Variants in SH3BGRL3 observed in about 807,000 individuals in gnomAD.
The protein encoded by SH3BGRL3 is SH3 domain-binding glutamic acid-rich-like protein 3.
SH3BGRL3 carries 8 observed loss-of-function variants against 11.9 expected under a neutral mutation model. The ratio of observed to expected loss-of-function variants is 0.67; its 90% CI spans 0.40 to 1.22. The LOEUF is 1.22. Ranked by LOEUF, SH3BGRL3 falls within the 50% of genes most tolerant of loss-of-function variation. SH3BGRL3 has a pLI of 0.01. For missense variants in SH3BGRL3, 119 were observed against 120.1 expected (o/e 0.99, Z 0.04); for synonymous variants, 55 against 52.3 (o/e 1.05, Z -0.22).
At position 26,281,108 on chromosome 1, in the gene SH3BGRL3, C is replaced by T. The variant is rs1382478399; in HGVS notation, c.267C>T (p.Phe89=). 2.5e-6 allele frequency: 4 copies of T among 1,613,794 alleles called. No individual in the cohort carries two copies. The highest frequency in any genetic ancestry group is 3.3e-5 in the Admixed American group (2 of 59,990). ...TGGAACAAAACACGCTGCAGGAGTT[C>T]CTGAAGCTGGCTTGAGTCAAGCCTG... The part of the protein sequence containing the change: ...EAVEQNTLQE[F]LKLA The change falls in exon 3 of 3, where the codon TTC becomes TTT. Residue 89 remains phenylalanine, a synonymous_variant. Transcript: ENST00000270792.
Position 26,280,114 on chromosome 1 carries a change from ACCG to A in SH3BGRL3, c.-36_-34del, listed in dbSNP as rs1557675371. 5 of 1,546,886 alleles carry A rather than the reference ACCG, an allele frequency of 3.2e-6. No individual in the cohort carries two copies. In the South Asian group the frequency reaches 4.8e-5, roughly 15 times the overall value. On this transcript the variant is annotated 5_prime_UTR_variant, in exon 1 of 3. Coordinates refer to ENST00000270792, the MANE Select transcript of SH3BGRL3 (RefSeq NM_031286.4). ...GTCTCCCGGCAGTGCAGCTGCCGCTACCGCCGCCCTCTGCCCGCCGGCCCGTCT... is the reference window on the plus strand; with the variant it reads ...GTCTCCCGGCAGTGCAGCTGCCGCTACCGCCCTCTGCCCGCCGGCCCGTCT...
rs7544 is a variant in SH3BGRL3 at position 26,281,235 on chromosome 1, T to G, written c.*112T>G. The G allele has an allele frequency of 0.16, 163,229 of 1,022,366 alleles. 13,800 individuals carry two copies. Among genetic ancestry groups the G allele is most frequent in the African/African-American group, 0.18 (11,005 of 62,438 alleles). The allele number at this position is 1,022,366 out of a possible 1,614,324, so 63.3% of individuals were successfully genotyped here. A position where few individuals can be genotyped will look rare whatever the true frequency, so the allele number is the denominator to read the frequency against. ...CTCCCTGTCATTCCTAACCTAACCT[T>G]AGAGTCCCTCCCCCAATGCAGGCCA... On this transcript the variant is annotated 3_prime_UTR_variant, in exon 3 of 3. Transcript: ENST00000270792.
chr1:26,280,228 T>G, intron 1 of SH3BGRL3, 25 bp downstream of exon 1: 1 of 1,502,680 alleles, frequency 6.7e-7, no homozygotes, highest in Non-Finnish European at 8.9e-7. Context: ...GGACTGGCGC[T>G]GGGGGAAAGC....
At chr1:26,280,976 G>T in intron 2 of SH3BGRL3, 44 bp downstream of exon 2, 1 of 1,606,896 alleles carries the variant, frequency 6.2e-7, no homozygotes, top group Admixed American at 1.7e-5. Context: ...GTTGGAAGAG[G>T]ACTCTAGCCA....
chr1:26,281,404 T>C lies in SH3BGRL3; in HGVS notation c.*281T>C, dbSNP rs1352455053. On this transcript the variant is annotated 3_prime_UTR_variant, in exon 3 of 3. Transcript: ENST00000270792. ...CAAGCATTGGGGCCGCCATCCTGCC[T>C]GGCACTGGCTGATGGGCACCTCTGT... The C allele has an allele frequency of 8.1e-6, 3 of 369,336 alleles. No homozygotes were observed. The highest frequency in any genetic ancestry group is 9.9e-6 in the Non-Finnish European group (2 of 203,000). The allele number at this position is 369,336 out of a possible 1,614,324, so 22.9% of individuals were successfully genotyped here.
Position 26,280,179 on chromosome 1 carries a change from C to T in SH3BGRL3, c.24C>T (p.Ser8=). The T allele has an allele frequency of 6.4e-7, 1 of 1,558,176 alleles. No homozygotes were observed. The highest frequency in any genetic ancestry group is 1.4e-5 in the African/African-American group (1 of 72,182). Residue 8 remains serine, a synonymous_variant, in exon 1 of 3, where the codon AGC becomes AGT. Transcript: ENST00000270792. ...GCATGAGCGGCCTGCGCGTCTACAG[C>T]ACGTCGGTCACCGGCTCCCGCGAAG... The part of the protein sequence containing the change: MSGLRVY[S]TSVTGSREIK...
At position 26,280,153 on chromosome 1, in the gene SH3BGRL3, A is replaced by T. The variant is rs1201730161; in HGVS notation, c.-3A>T. On this transcript the variant is annotated 5_prime_UTR_variant, in exon 1 of 3. Transcript: ENST00000270792. The stretch of plus-strand genomic sequence containing the variant: ...CCCGCCGGCCCGTCTGTCTACCCCC[A>T]GCATGAGCGGCCTGCGCGTCTACAG... 1 of 1,566,646 alleles carries T rather than the reference A, an allele frequency of 6.4e-7. No homozygotes were observed. Among genetic ancestry groups the T allele is most frequent in the Admixed American group, 1.9e-5 (1 of 53,106 alleles).
At position 26,280,145 on chromosome 1, in the gene SH3BGRL3, C is replaced by G. The variant is rs779186967; in HGVS notation, c.-11C>G. ...GCCCTCTGCCCGCCGGCCCGTCTGTCTACCCCCAGCATGAGCGGCCTGCGC... is the reference window on the plus strand; with the variant it reads ...GCCCTCTGCCCGCCGGCCCGTCTGTGTACCCCCAGCATGAGCGGCCTGCGC... On this transcript the variant is annotated 5_prime_UTR_variant, in exon 1 of 3. Coordinates refer to ENST00000270792, the MANE Select transcript of SH3BGRL3 (RefSeq NM_031286.4). 6.4e-7 allele frequency: 1 copy of G among 1,565,324 alleles called. No homozygotes were observed.
chr1:26,280,781 G>A lies in SH3BGRL3; in HGVS notation c.65G>A (p.Ser22Asn), dbSNP rs996090285. The change falls in exon 2 of 3, where the codon AGC becomes AAC. Residue 22 changes from serine (S) to asparagine (N), a missense_variant. Coordinates refer to ENST00000270792, the MANE Select transcript of SH3BGRL3 (RefSeq NM_031286.4). ...TGSREIKSQQ[S>N]EVTRILDGKR... ...TGTCCCCAGATCAAGTCCCAGCAGAGCGAGGTGACCCGAATCCTGGATGGG... is the reference window on the plus strand; with the variant it reads ...TGTCCCCAGATCAAGTCCCAGCAGAACGAGGTGACCCGAATCCTGGATGGG... The A allele has an allele frequency of 1.2e-6, 2 of 1,614,040 alleles. No individual in the cohort carries two copies. The highest frequency in any genetic ancestry group is 4.5e-5 in the East Asian group (2 of 44,864).
rs769714048 is a variant in SH3BGRL3, at chr1:26,280,752, C to T, written c.49-13C>T. The T allele has an allele frequency of 5.0e-5, 80 of 1,613,350 alleles. No homozygotes were observed. Among genetic ancestry groups the T allele is most frequent in the Non-Finnish European group, 6.4e-5 (76 of 1,179,762 alleles). On this transcript the variant is annotated splice_polypyrimidine_tract_variant and intron_variant, in intron 1 of 2. Coordinates refer to ENST00000270792, the MANE Select transcript of SH3BGRL3 (RefSeq NM_031286.4). The stretch of plus-strand genomic sequence containing the variant: ...AGCCTATCCACTAACCCCTACCCAC[C>T]CTCTGTCCCCAGATCAAGTCCCAGC...
In SH3BGRL3 at chr1:26,280,811, G is replaced by A. The variant is rs200815881; in HGVS notation, c.95G>A (p.Arg32His). 1.1e-4 allele frequency: 171 copies of A among 1,614,002 alleles called. No individual in the cohort carries two copies. The Admixed American group carries it at 2.5e-3, about 24-fold the overall frequency. ...GTGACCCGAATCCTGGATGGGAAGC[G>A]CATCCAATACCAGCTAGTGGACATC... ...SEVTRILDGK[R>H]IQYQLVDISQ... Residue 32 changes from arginine (R) to histidine (H), a missense_variant, in exon 2 of 3, where the codon CGC becomes CAC. By Grantham distance (29) the Arg-to-His change is conservative. Transcript: ENST00000270792.
intron 1 of SH3BGRL3, 75 bp downstream of exon 1, chr1:26,280,278 G>C (rs115152957): frequency 7.0e-7 from 1 of 1,418,538 alleles, no homozygotes. Flanking sequence ...TAGCGCCCGG[G>C]ACCCACCCCC....
Position 26,281,147 on chromosome 1 carries a change from T to G in SH3BGRL3, c.*24T>G. On this transcript the variant is annotated 3_prime_UTR_variant, in exon 3 of 3. Transcript: ENST00000270792. ...GAGTCAAGCCTGTCCAGAGTTCCCC[T>G]GCTGGACTCCATCACCACACTCCCC... 6.2e-7 allele frequency: 1 copy of G among 1,609,378 alleles called. No homozygotes were observed. Among genetic ancestry groups the G allele is most frequent in the Non-Finnish European group, 8.5e-7 (1 of 1,176,932 alleles).
At position 26,281,080 on chromosome 1, in the gene SH3BGRL3, CTG is replaced by C. The variant is rs775583851; in HGVS notation, c.242_243del (p.Val81GlyfsTer66). On this transcript the variant is annotated frameshift_variant, in exon 3 of 3. Coordinates refer to ENST00000270792, the MANE Select transcript of SH3BGRL3 (RefSeq NM_031286.4). LOFTEE classifies it high-confidence loss of function. ...CAGGACTATGAGCTCTTCGTGGAGG[CTG>C]TGGAACAAAACACGCTGCAGGAGTT... is the stretch of plus-strand genomic sequence containing the variant. 1.2e-6 allele frequency: 2 copies of C among 1,614,064 alleles called. No homozygotes were observed. Among genetic ancestry groups the C allele is most frequent in the East Asian group, 4.5e-5 (2 of 44,872 alleles).
At position 26,281,488 on chromosome 1, in the gene SH3BGRL3, T is replaced by G; in HGVS notation, c.*365T>G. On this transcript the variant is annotated 3_prime_UTR_variant, in exon 3 of 3. Transcript: ENST00000270792. ...CGCAGTCCCTCTCCCAGGAGGACCC[T>G]AGAGGCAATTAAATGATGTCCTGTT... 4.4e-6 allele frequency: 1 copy of G among 227,970 alleles called. No homozygotes were observed. Among genetic ancestry groups the G allele is most frequent in the Non-Finnish European group, 8.9e-6 (1 of 112,232 alleles). 14.1% of individuals were successfully genotyped at this position (227,970 alleles called of 1,614,324 possible).
Position 26,280,113 on chromosome 1 carries a change from T to TACCGCC in SH3BGRL3, c.-42_-37dup, listed in dbSNP as rs1407816017. On this transcript the variant is annotated 5_prime_UTR_variant, in exon 1 of 3. Coordinates refer to ENST00000270792, the MANE Select transcript of SH3BGRL3 (RefSeq NM_031286.4). The stretch of plus-strand genomic sequence containing the variant: ...CGTCTCCCGGCAGTGCAGCTGCCGC[T>TACCGCC]ACCGCCGCCCTCTGCCCGCCGGCCC... 3 of 1,547,480 alleles carry TACCGCC rather than the reference T, an allele frequency of 1.9e-6. No individual in the cohort carries two copies. The highest frequency in any genetic ancestry group is 2.8e-5 in the African/African-American group (2 of 72,486).
In SH3BGRL3 at chr1:26,280,130, CGCCGGCCCGTCTGTCT is replaced by C. The variant is rs1325915125; in HGVS notation, c.-25_-10del. 7 of 1,556,988 alleles carry C rather than the reference CGCCGGCCCGTCTGTCT, an allele frequency of 4.5e-6. No individual in the cohort carries two copies. Among genetic ancestry groups the C allele is most frequent in the African/African-American group, 1.4e-5 (1 of 72,834 alleles). ...GCTGCCGCTACCGCCGCCCTCTGCC[CGCCGGCCCGTCTGTCT>C]ACCCCCAGCATGAGCGGCCTGCGCG... is the stretch of plus-strand genomic sequence containing the variant. On this transcript the variant is annotated 5_prime_UTR_variant, in exon 1 of 3. Coordinates refer to ENST00000270792, the MANE Select transcript of SH3BGRL3 (RefSeq NM_031286.4).
rs1045738215 is a variant in SH3BGRL3, at chr1:26,281,029, G to GT, written c.217-28dup. The GT allele has an allele frequency of 5.0e-6, 8 of 1,612,610 alleles. No homozygotes were observed. The African/African-American group carries it at 9.4e-5, about 19-fold the overall frequency. On this transcript the variant is annotated intron_variant, in intron 2 of 2. Transcript: ENST00000270792. ...AAGCACTTGGGCCCCCTGCATTCAGGTGACCACCCCTCGCCTCCCCTTCTC... is the reference window on the plus strand; with the variant it reads ...AAGCACTTGGGCCCCCTGCATTCAGGTTGACCACCCCTCGCCTCCCCTTCTC...
At position 26,280,185 on chromosome 1, in the gene SH3BGRL3, G is replaced by C. The variant is rs1055602552; in HGVS notation, c.30G>C (p.Ser10=). 4 of 1,555,506 alleles carry C rather than the reference G, an allele frequency of 2.6e-6. No homozygotes were observed. The African/African-American group carries it at 4.2e-5, about 16-fold the overall frequency. The stretch of plus-strand genomic sequence containing the variant: ...GCGGCCTGCGCGTCTACAGCACGTC[G>C]GTCACCGGCTCCCGCGAAGTAAGTG... MSGLRVYST[S]VTGSREIKSQ... is the part of the protein sequence containing the mutation. Residue 10 remains serine, a synonymous_variant, in exon 1 of 3, where the codon TCG becomes TCC. Transcript: ENST00000270792.
Sources: allele counts gnomAD v4.1 joint callset, GRCh38; gene constraint gnomAD v4.1.1; transcripts MANE v1.5; gene names NCBI Gene and HGNC (gene_info 2026-07-23, HGNC 2026-07-21).